The following DPP6 variants were observed in gnomAD, a reference collection of about 807,000 sequenced individuals.
DPP6 encodes the protein dipeptidyl peptidase like 6, also known as A-type potassium channel modulatory protein DPP6.
DPP6 carries 69 observed loss-of-function variants against 122.6 expected under a neutral mutation model. The ratio of observed to expected loss-of-function variants is 0.56; its 90% confidence interval spans 0.46 to 0.69. The LOEUF is 0.69. Among genes scored for constraint, DPP6 ranks in the 30% least tolerant of loss-of-function variants. DPP6 has a pLI of 0.00. For synonymous variants in DPP6, 418 were observed against 433.1 expected (o/e 0.97, Z 0.43); for missense variants, 928 against 1,116.9 (o/e 0.83, Z 2.41).
intron 1 of DPP6, among the ~76,000 whole-genome samples, chr7:154,015,163 G>A (rs1218879915): frequency 6.6e-6 from 1 of 151,922 alleles, no homozygotes; most frequent in Non-Finnish European, 1.5e-5. Flanking sequence ...CACTTTTATG[G>A]CCTTTATCTA....
At chr7:154,446,179 C>G (rs765154019) in intron 1 of DPP6, 35 bp from the exon 2 acceptor site, 1 of 1,344,788 alleles carries the variant, frequency 7.4e-7, no homozygotes, top group Non-Finnish European at 1.0e-6. Context: ...CCTTATTTCA[C>G]TCACTGGGGT....
chr7:154,447,478 A>G (rs1586299350), intron 2 of DPP6, among the ~76,000 whole-genome samples: 1 of 152,260 alleles, frequency 6.6e-6, no homozygotes, highest in Non-Finnish European at 1.5e-5. Context: ...TTAAGATGAA[A>G]AAAAGTAGAT....
intron 22 of DPP6, among the ~76,000 whole-genome samples, chr7:154,886,248 T>C (rs532358142): frequency 9.8e-5 from 15 of 152,340 alleles, no homozygotes; most frequent in Non-Finnish European, 1.5e-4. Flanking sequence ...GGCTCAGCTC[T>C]GCCTTCCCAT....
intron 1 of DPP6, chr7:154,055,541 T>C (rs968816414): frequency 6.6e-6 from 1 of 151,642 alleles, no homozygotes; most frequent in Admixed American, 6.6e-5. Context: ...TCTAGAGTAA[T>C]CATTTTGCTA....
chr7:154,437,716 C>T (rs962809149), intron 1 of DPP6, among the ~76,000 whole-genome samples: 1 of 152,086 alleles, frequency 6.6e-6, no homozygotes. Flanking sequence ...TGGGCGGATC[C>T]CTTGAGTCCA....
intron 3 of DPP6, among the ~76,000 whole-genome samples, chr7:154,503,975 A>G: frequency 6.6e-6 from 1 of 152,198 alleles, no homozygotes; most frequent in East Asian, 1.9e-4. Flanking sequence ...AAAAAAACCA[A>G]TGTTCCTGAT....
chr7:154,182,252 C>T (rs1321540491), intron 1 of DPP6, among the ~76,000 whole-genome samples: 1 of 152,100 alleles, frequency 6.6e-6, no homozygotes, highest in Non-Finnish European at 1.5e-5. Context: ...GAAATTAAGG[C>T]CATAACTCTA....
chr7:154,803,929 A>T lies in DPP6; in HGVS notation c.1473A>T (p.Leu491=). The T allele has an allele frequency of 1.9e-6, 3 of 1,613,920 alleles. No homozygotes were observed. The highest frequency in any genetic ancestry group is 1.7e-6 in the Non-Finnish European group (2 of 1,179,850). Residue 491 remains leucine (L), a synonymous_variant, in exon 14 of 26, where the codon CTA becomes CTT. Transcript: ENST00000377770. ...TSGDWDVTKI[L]AYDEKGNKIY... ...GGGACTGGGACGTGACCAAGATCCT[A>T]GCCTACGATGAGAAGGGGAATAAGA...
chr7:154,354,460 A>G (rs557680184), intron 1 of DPP6, among the ~76,000 whole-genome samples: 7 of 152,188 alleles, frequency 4.6e-5, no homozygotes, highest in Non-Finnish European at 1.0e-4. Context: ...AACAGCTTGT[A>G]AACTTTCCCT....
intron 1 of DPP6, among the ~76,000 whole-genome samples, chr7:154,080,159 A>G (rs562358610): frequency 2.3e-4 from 35 of 152,172 alleles, no homozygotes; most frequent in African/African-American, 8.2e-4. Context: ...AGGGAAGTCA[A>G]GAGGACCCAC....
At chr7:154,411,529 C>G (rs1274602100) in intron 1 of DPP6, among the ~76,000 whole-genome samples, 2 of 152,216 alleles carry the variant, frequency 1.3e-5, no homozygotes, top group Non-Finnish European at 2.9e-5. Context: ...GCATGAGCCA[C>G]AGTGCTTGGC....
chr7:154,335,101 T>C (rs1356152600), intron 1 of DPP6, among the ~76,000 whole-genome samples: 1 of 152,082 alleles, frequency 6.6e-6, no homozygotes, highest in East Asian at 1.9e-4. Flanking sequence ...TTGTGACCCA[T>C]AAGGGAGGGG....
chr7:154,398,621 T>G (rs2151180786), intron 1 of DPP6, among the ~76,000 whole-genome samples: 1 of 152,248 alleles, frequency 6.6e-6, no homozygotes, highest in East Asian at 1.9e-4. Context: ...ATTTTCTCTC[T>G]CTCTCTCTCC....
chr7:154,174,645 A>T (rs1797703536), intron 1 of DPP6, among the ~76,000 whole-genome samples: 1 of 152,198 alleles, frequency 6.6e-6, no homozygotes, highest in Non-Finnish European at 1.5e-5. Flanking sequence ...CCATTTCTTC[A>T]TTACTGGAAG....
chr7:154,773,066 T>G (rs1796342828), intron 10 of DPP6, 124 bp downstream of exon 10: 1 of 1,259,216 alleles, frequency 7.9e-7, no homozygotes, highest in Non-Finnish European at 1.0e-6. Context: ...AAAAGGTACC[T>G]TTCCTAAAGA....
At chr7:154,019,043 T>C (rs2129051284) in intron 1 of DPP6, among the ~76,000 whole-genome samples, 1 of 152,302 alleles carries the variant, frequency 6.6e-6, no homozygotes, top group South Asian at 2.1e-4. Context: ...TACACACAAA[T>C]GAATAATTTA....
chr7:154,735,458 A>G (rs1331967070), intron 8 of DPP6, among the ~76,000 whole-genome samples: 1 of 152,234 alleles, frequency 6.6e-6, no homozygotes, highest in Non-Finnish European at 1.5e-5. Context: ...TGGCGAAGCT[A>G]TCAGACCTAT....
intron 16 of DPP6, among the ~76,000 whole-genome samples, chr7:154,816,058 A>G (rs1037849192): frequency 6.6e-6 from 1 of 152,212 alleles, no homozygotes; most frequent in East Asian, 1.9e-4. Context: ...TCTATGGAGT[A>G]TGGAACCGTA....
intron 1 of DPP6, among the ~76,000 whole-genome samples, chr7:154,063,581 T>G (rs1221770566): frequency 4.3e-5 from 5 of 115,396 alleles, no homozygotes; most frequent in African/African-American, 1.6e-4. Context: ...CGCCTCTGGC[T>G]GATAGTACCC....
Sources: allele counts gnomAD v4.1 joint callset (sites outside exome capture counted in the v4.1 genomes callset), GRCh38; gene constraint gnomAD v4.1.1; transcripts MANE v1.5; gene names NCBI Gene and HGNC (gene_info 2026-07-23, HGNC 2026-07-21).